The following TNRC6C variants were observed in gnomAD, a reference collection of about 807,000 sequenced individuals.
TNRC6C encodes trinucleotide repeat containing adaptor 6C.
Under a neutral mutation model 153.7 loss-of-function variants are expected in TNRC6C, and 20 were observed. That is an observed-to-expected ratio of 0.13 (90% CI 0.09 to 0.19). The LOEUF is 0.19. Ranked by LOEUF, TNRC6C falls within the 10% of genes least tolerant of loss-of-function variation. The pLI, the probability that TNRC6C is intolerant of heterozygous loss-of-function variation, is 1.00. For synonymous variants in TNRC6C, 811 were observed against 841.4 expected (o/e 0.96, Z 0.63); for missense variants, 1,987 against 2,172.0 (o/e 0.91, Z 1.69).
chr17:78,056,717 G>A (rs1018933391), intron 3 of TNRC6C, among the ~76,000 whole-genome samples: 28 of 151,194 alleles, frequency 1.9e-4, no homozygotes, highest in African/African-American at 5.8e-4. Flanking sequence ...AGCCAGCCTC[G>A]ACCCCGCAAA....
intron 2 of TNRC6C, among the ~76,000 whole-genome samples, chr17:78,048,558 A>T (rs1019905905): frequency 2.0e-5 from 3 of 152,248 alleles, no homozygotes; most frequent in Non-Finnish European, 2.9e-5. Context: ...TTTACTACAG[A>T]TGCTTTCAGA....
intron 1 of TNRC6C, among the ~76,000 whole-genome samples, chr17:77,989,824 G>T (rs1370508884): frequency 6.6e-6 from 1 of 152,072 alleles, no homozygotes; most frequent in African/African-American, 2.4e-5. Flanking sequence ...TGTTCCTTAA[G>T]CCCCCATCTC....
chr17:78,070,711 A>ATT (rs2072977333), intron 5 of TNRC6C, among the ~76,000 whole-genome samples: 1 of 152,230 alleles, frequency 6.6e-6, no homozygotes, highest in African/African-American at 2.4e-5. Flanking sequence ...AAAGCTTAGA[A>ATT]AAGGCAAAAA....
At chr17:78,068,067 C>A in intron 5 of TNRC6C, 144 bp downstream of exon 7, 1 of 898,094 alleles carries the variant, frequency 1.1e-6, no homozygotes, top group Non-Finnish European at 1.6e-6. Context: ...GAGACCCTTT[C>A]AGGGGAGTAA....
At chr17:78,091,509 C>T in exon 14 of TNRC6C, 1 of 1,609,908 alleles carries the variant, frequency 6.2e-7, no homozygotes, top group Non-Finnish European at 8.5e-7. Context: ...AAGGACCCAT[C>T]CCAGTCCCAG....
chr17:77,974,086 GA>G (rs1455655383), intron 1 of TNRC6C, among the ~76,000 whole-genome samples: 3 of 151,540 alleles, frequency 2.0e-5, no homozygotes, highest in Non-Finnish European at 2.9e-5. Flanking sequence ...GAGAAAGAAA[GA>G]AAAAGAATGG....
chr17:78,055,775 A>G (rs1315838846), intron 3 of TNRC6C, among the ~76,000 whole-genome samples: 1 of 152,128 alleles, frequency 6.6e-6, no homozygotes, highest in Non-Finnish European at 1.5e-5. Context: ...TGTATGGAGC[A>G]TTTTTATGGA....
chr17:78,064,901 G>A, exon 4 of TNRC6C: 2 of 1,612,024 alleles, frequency 1.2e-6, no homozygotes, highest in East Asian at 2.2e-5. Flanking sequence ...TGGAAGAGCT[G>A]GCGCACCTGT....
chr17:77,966,996 C>G (rs1199823077), intron 1 of TNRC6C, among the ~76,000 whole-genome samples: 1 of 152,084 alleles, frequency 6.6e-6, no homozygotes, highest in African/African-American at 2.4e-5. Context: ...TTTAGGTAAA[C>G]TTAAGAGATT....
chr17:78,097,539 C>T (rs2073509202), intron 16 of TNRC6C, among the ~76,000 whole-genome samples: 1 of 152,172 alleles, frequency 6.6e-6, no homozygotes, highest in Non-Finnish European at 1.5e-5. Flanking sequence ...CAGCAACATC[C>T]CAGGCCTCCC....
At chr17:78,016,832 A>G (rs1316097322) in intron 1 of TNRC6C, among the ~76,000 whole-genome samples, 1 of 152,174 alleles carries the variant, frequency 6.6e-6, no homozygotes, top group Non-Finnish European at 1.5e-5. Flanking sequence ...TAGATTAGCA[A>G]TCAATCCTCA....
At chr17:78,034,937 C>T (rs918447532) in intron 2 of TNRC6C, among the ~76,000 whole-genome samples, 9 of 152,104 alleles carry the variant, frequency 5.9e-5, no homozygotes, top group African/African-American at 2.2e-4. Flanking sequence ...TCACTGCATT[C>T]CAGCCTGGGC....
exon 20 of TNRC6C, chr17:78,107,679 G>A (rs566667979): frequency 6.6e-6 from 1 of 152,190 alleles, no homozygotes; most frequent in East Asian, 1.9e-4. Flanking sequence ...AATCATCATC[G>A]AGAGGCACAG....
intron 3 of TNRC6C, among the ~76,000 whole-genome samples, chr17:78,058,550 C>A (rs1040143974): frequency 1.3e-5 from 2 of 152,136 alleles, no homozygotes; most frequent in African/African-American, 4.8e-5. Context: ...ATATGAAGGC[C>A]ATTATACAGT....
intron 1 of TNRC6C, among the ~76,000 whole-genome samples, chr17:77,968,267 C>T (rs188484281): frequency 6.6e-6 from 1 of 151,564 alleles, no homozygotes; most frequent in African/African-American, 2.4e-5. Flanking sequence ...CTCCTGACCT[C>T]GTGATTCGCC....
chr17:78,046,337 C>T (rs2072409796), intron 2 of TNRC6C, among the ~76,000 whole-genome samples: 1 of 152,100 alleles, frequency 6.6e-6, no homozygotes, highest in Non-Finnish European at 1.5e-5. Flanking sequence ...TGCACCACCA[C>T]ACCCGGCTAA....
chr17:77,983,249 T>A (rs1453657902), intron 1 of TNRC6C, among the ~76,000 whole-genome samples: 1 of 152,154 alleles, frequency 6.6e-6, no homozygotes, highest in African/African-American at 2.4e-5. Context: ...TATTTTCCAA[T>A]AGGGAATGTT....
intron 1 of TNRC6C, among the ~76,000 whole-genome samples, chr17:77,966,093 A>C (rs1398849012): frequency 1.3e-5 from 2 of 152,228 alleles, no homozygotes; most frequent in African/African-American, 4.8e-5. Context: ...CAAGGAGACG[A>C]ATGGGCAAGC....
chr17:78,000,511 T>C (rs1184653272), upstream of TNRC6C, among the ~76,000 whole-genome samples: 4 of 151,792 alleles, frequency 2.6e-5, no homozygotes, highest in Non-Finnish European at 4.4e-5. Context: ...GATAACATTT[T>C]ACCAGCCCTT....
Sources: gnomAD v4.1 joint callset for allele counts (sites outside exome capture counted in the v4.1 genomes callset) on GRCh38, gnomAD v4.1.1 for gene constraint, MANE v1.5 for transcripts, NCBI Gene and HGNC (gene_info 2026-07-23, HGNC 2026-07-21) for gene names.